Variants in TMEM138 observed in about 807,000 individuals in gnomAD.
TMEM138 encodes transmembrane protein 138.
In TMEM138, 9 loss-of-function variants were observed where a neutral mutation model predicts 18.1. The ratio of observed to expected loss-of-function variants is 0.50; its 90% CI spans 0.30 to 0.87. The LOEUF is 0.87. Ranked by LOEUF, TMEM138 falls within the 40% of genes least tolerant of loss-of-function variation. The pLI, the probability that TMEM138 is intolerant of heterozygous loss-of-function variation, is 0.06. For missense variants in TMEM138, 189 were observed against 190.6 expected, an observed-to-expected ratio of 0.99 and a Z score of 0.05; for synonymous variants, 79 against 74.8, an observed-to-expected ratio of 1.06 and a Z score of -0.29.
chr11:61,366,408 G>A lies in TMEM138; in HGVS notation c.300+192G>A, dbSNP rs559758648. The A allele has an allele frequency of 2.1e-4, 115 of 557,690 alleles. No homozygotes were observed. In the African/African-American group the frequency reaches 2.1e-3, roughly 10 times the overall value. 34.5% of individuals were successfully genotyped at this position (557,690 alleles called of 1,614,324 possible). ...TTACAGGCATGAGTCACTGTGCCCG[G>A]CCTGAACTCTGAATTCCTGAATCGC... On this transcript the variant is annotated intron_variant, in intron 3 of 4. Coordinates refer to ENST00000278826, the MANE Select transcript of TMEM138 (RefSeq NM_016464.5).
At chr11:61,369,782 C>G (rs1858287869), downstream of TMEM138, among the ~76,000 whole-genome samples, 1 of 152,188 alleles carries the variant, frequency 6.6e-6, no homozygotes, top group Non-Finnish European at 1.5e-5. Context: ...GGTTACTCAG[C>G]TCTAGTTTGC....
chr11:61,367,722 C>A, intron 3 of TMEM138: 1 of 577,448 alleles, frequency 1.7e-6, no homozygotes, highest in South Asian at 2.1e-5. Flanking sequence ...TTCATACTTC[C>A]TCCCTCAAAG....
rs201318247 is a variant in TMEM138, at chr11:61,367,949, C to T, written c.327C>T (p.Ser109=). The T allele has an allele frequency of 2.6e-4, 420 of 1,613,542 alleles. No individual in the cohort carries two copies. Among genetic ancestry groups the T allele is most frequent in the Middle Eastern group, 2.3e-3 (14 of 6,060 alleles). Residue 109 remains serine (S), a synonymous_variant, in exon 4 of 5, where the codon AGC becomes AGT. Transcript: ENST00000278826. ...VMNLRWKNSN[S]FIWTDGLQML... ...ACTTACGCTGGAAAAACTCCAACAG[C>T]TTCATATGGACAGATGGACTTCAAA...
At chr11:61,366,894 C>G (rs1858174967) in intron 3 of TMEM138, 1 of 152,226 alleles carries the variant, frequency 6.6e-6, no homozygotes. Context: ...ATAAGGTACT[C>G]TTGACCAACC....
chr11:61,375,265 ATATT>A (rs1285280394), downstream of TMEM138, among the ~76,000 whole-genome samples: 11 of 150,300 alleles, frequency 7.3e-5, no homozygotes, highest in African/African-American at 2.7e-4. Context: ...AATTTGCAGC[ATATT>A]TGTTTTTCTC....
intron 2 of TMEM138, among the ~76,000 whole-genome samples, chr11:61,365,347 G>GC (rs1030974637): frequency 6.6e-6 from 1 of 151,398 alleles, no homozygotes; most frequent in Non-Finnish European, 1.5e-5. Flanking sequence ...TGCAACCTCC[G>GC]CCCCCTGGGT....
chr11:61,376,327 T>C (rs151226963), downstream of TMEM138, among the ~76,000 whole-genome samples: 915 of 151,914 alleles, frequency 6.0e-3, 16 homozygotes, highest in African/African-American at 0.021. Flanking sequence ...CCAGCCTGGA[T>C]GACAGAGCAA....
chr11:61,365,365 A>G (rs1403195817), intron 2 of TMEM138, among the ~76,000 whole-genome samples: 2 of 151,300 alleles, frequency 1.3e-5, no homozygotes, highest in South Asian at 2.1e-4. Flanking sequence ...GGTTCAAGCA[A>G]TTCTCCTGCC....
At position 61,368,875 on chromosome 11, in the gene TMEM138, T is replaced by TA; in HGVS notation, c.*167dup. On this transcript the variant is annotated 3_prime_UTR_variant, in exon 5 of 5. Transcript: ENST00000278826. ...AGGAAGATCCTCCCTCTTGCACAATTAGAGTGTCCCCATCGGTCTCCAGTG... is the reference window on the plus strand; with the variant it reads ...AGGAAGATCCTCCCTCTTGCACAATTAAGAGTGTCCCCATCGGTCTCCAGTG... The TA allele has an allele frequency of 3.2e-6, 2 of 627,526 alleles. No homozygotes were observed. The highest frequency in any genetic ancestry group is 1.8e-5 in the African/African-American group (1 of 55,194). 38.9% of individuals were successfully genotyped at this position (627,526 alleles called of 1,614,324 possible).
At chr11:61,371,739 A>C (rs73492380), downstream of TMEM138, among the ~76,000 whole-genome samples, 3,988 of 152,342 alleles carry the variant, frequency 0.026, 188 homozygotes, top group African/African-American at 0.091. Flanking sequence ...TATGTATTTT[A>C]GGGGGACAGA....
At chr11:61,376,829 G>A (rs929856614), downstream of TMEM138, among the ~76,000 whole-genome samples, 11 of 151,960 alleles carry the variant, frequency 7.2e-5, no homozygotes, top group East Asian at 3.9e-4. Flanking sequence ...GGACCTACTC[G>A]TCTAGAAATA....
At chr11:61,372,959 A>T (rs1235941478), downstream of TMEM138, among the ~76,000 whole-genome samples, 2 of 151,536 alleles carry the variant, frequency 1.3e-5, no homozygotes, top group African/African-American at 4.9e-5. Flanking sequence ...AAAACAGATT[A>T]AAAAAAAAGT....
chr11:61,376,339 ACT>A (rs1858435278), downstream of TMEM138, among the ~76,000 whole-genome samples: 1 of 151,872 alleles, frequency 6.6e-6, no homozygotes, highest in South Asian at 2.1e-4. Context: ...ACAGAGCAAG[ACT>A]CTGTCTCAAA....
At chr11:61,363,114 G>GTA (rs1211670050) in intron 1 of TMEM138, 1 of 152,470 alleles carries the variant, frequency 6.6e-6, no homozygotes, top group African/African-American at 2.4e-5. Flanking sequence ...GCACGCACCT[G>GTA]TAGTCCCAGC....
intron 3 of TMEM138, 122 bp downstream of exon 3, chr11:61,366,338 C>A: frequency 1.8e-6 from 2 of 1,113,470 alleles, no homozygotes; most frequent in Non-Finnish European, 2.5e-6. Context: ...TTCTGCCTCC[C>A]AAGCTCAAGC....
downstream of TMEM138, among the ~76,000 whole-genome samples, chr11:61,372,725 G>T (rs1004786941): frequency 4.8e-4 from 73 of 152,016 alleles, no homozygotes; most frequent in African/African-American, 1.5e-3. Context: ...GGTGGAGCTT[G>T]CAGTGAGCTG....
chr11:61,366,508 G>A lies in TMEM138; in HGVS notation c.300+292G>A, dbSNP rs112830700. 19,022 of 242,996 alleles carry A rather than the reference G, an allele frequency of 0.078. 1,050 individuals carry two copies. Among genetic ancestry groups the A allele is most frequent in the Non-Finnish European group, 0.11 (13,954 of 127,404 alleles). The allele number at this position is 242,996 out of a possible 1,614,324, so 15.1% of individuals were successfully genotyped here. ...TTTTGAGACAGAGTCTCGCTCTGTC[G>A]CCTGGCTGGAGTGCAGTGGCGTGAT... On this transcript the variant is annotated intron_variant, in intron 3 of 4. Coordinates refer to ENST00000278826, the MANE Select transcript of TMEM138 (RefSeq NM_016464.5).
chr11:61,370,197 T>G (rs1283805551), downstream of TMEM138, among the ~76,000 whole-genome samples: 1 of 151,870 alleles, frequency 6.6e-6, no homozygotes, highest in African/African-American at 2.4e-5. Flanking sequence ...CACGTGAGGG[T>G]AGGGTGTGCA....
At chr11:61,373,748 G>T (rs1469485772), downstream of TMEM138, among the ~76,000 whole-genome samples, 1 of 151,982 alleles carries the variant, frequency 6.6e-6, no homozygotes, top group African/African-American at 2.4e-5. Flanking sequence ...AATATAAAAT[G>T]GTGTTTGGTT....
Sources: allele counts gnomAD v4.1 joint callset (sites outside exome capture counted in the v4.1 genomes callset), GRCh38; gene constraint gnomAD v4.1.1; transcripts MANE v1.5; gene names NCBI Gene and HGNC (gene_info 2026-07-23, HGNC 2026-07-21).